Variants in TMEM40 observed in about 807,000 individuals in gnomAD.
TMEM40 encodes the protein transmembrane protein 40.
Under a neutral mutation model 40.8 loss-of-function variants are expected in TMEM40, and 34 were observed. That is an observed-to-expected ratio of 0.83 (90% CI 0.63 to 1.11). The LOEUF (loss-of-function observed/expected upper bound fraction) is 1.11, where lower values mean the gene tolerates loss of function less well. Among genes scored for constraint, TMEM40 ranks in the 50% least tolerant of loss-of-function variants. The pLI is 0.00. For missense variants in TMEM40, 296 were observed against 280.2 expected, an observed-to-expected ratio of 1.06 and a Z score of -0.40; for synonymous variants, 106 against 107.0, an observed-to-expected ratio of 0.99 and a Z score of 0.06.
chr3:12,755,241 T>A (rs373748748), intron 1 of TMEM40, among the ~76,000 whole-genome samples: 5 of 91,890 alleles, frequency 5.4e-5, no homozygotes, highest in Non-Finnish European at 8.4e-5. Flanking sequence ...CTCTCTTTCT[T>A]TCTTTCTTTC....
At chr3:12,749,917 T>A in intron 1 of TMEM40, 77 bp from the exon 2 acceptor site, 1 of 1,323,192 alleles carries the variant, frequency 7.6e-7, no homozygotes, top group Non-Finnish European at 1.1e-6. Context: ...GGCAAATAAA[T>A]AAGAAAAAGA....
intron 1 of TMEM40, among the ~76,000 whole-genome samples, chr3:12,753,801 T>C (rs1344527069): frequency 6.6e-6 from 1 of 152,220 alleles, no homozygotes; most frequent in Admixed American, 6.5e-5. Flanking sequence ...CCAGGGCCTC[T>C]GTACCCACGG....
intron 3 of TMEM40, among the ~76,000 whole-genome samples, chr3:12,748,147 A>AATTC (rs1253660008): frequency 1.3e-5 from 2 of 152,130 alleles, no homozygotes; most frequent in African/African-American, 2.4e-5. Context: ...CTGTATAACG[A>AATTC]ATTTCATCCT....
At chr3:12,768,190 C>T (rs917832068) in intron 1 of TMEM40, among the ~76,000 whole-genome samples, 2 of 152,054 alleles carry the variant, frequency 1.3e-5, no homozygotes, top group East Asian at 1.9e-4. Context: ...TGGAGTTGTT[C>T]GTTCCTCCCA....
upstream of TMEM40, among the ~76,000 whole-genome samples, chr3:12,761,044 C>T (rs1351544650): frequency 6.6e-6 from 1 of 152,242 alleles, no homozygotes; most frequent in African/African-American, 2.4e-5. Context: ...GCCCTCAATA[C>T]ATTTGTTGAA....
intron 10 of TMEM40, 99 bp from the exon 11 acceptor site, chr3:12,735,716 T>C (rs958262033): frequency 1.0e-6 from 1 of 975,082 alleles, no homozygotes; most frequent in Non-Finnish European, 1.6e-6. Context: ...AACAAAGCTC[T>C]GATGGTGGAA....
chr3:12,762,137 T>G (rs2061571640), upstream of TMEM40, among the ~76,000 whole-genome samples: 1 of 151,942 alleles, frequency 6.6e-6, no homozygotes, highest in Non-Finnish European at 1.5e-5. Context: ...TAACTTTTAC[T>G]TTTTAAAATT....
chr3:12,738,244 C>CACCTG, intron 6 of TMEM40, 76 bp from the exon 7 acceptor site: 1 of 1,527,362 alleles, frequency 6.5e-7, no homozygotes, highest in Non-Finnish European at 9.0e-7. Context: ...CTGGGGAAGG[C>CACCTG]TATAGGTGAC....
intron 1 of TMEM40, among the ~76,000 whole-genome samples, chr3:12,768,080 T>C (rs971914103): frequency 1.3e-5 from 2 of 152,120 alleles, no homozygotes; most frequent in African/African-American, 4.8e-5. Flanking sequence ...AGGCGGCGTG[T>C]TCGGAGTTTC....
At chr3:12,743,519 TTATAG>T (rs1377420185) in intron 4 of TMEM40, among the ~76,000 whole-genome samples, 1 of 152,170 alleles carries the variant, frequency 6.6e-6, no homozygotes, top group Admixed American at 6.6e-5. Context: ...TGTAAATTAT[TTATAG>T]TATAGGACAG....
At chr3:12,746,485 A>C (rs1483018403) in intron 3 of TMEM40, among the ~76,000 whole-genome samples, 9 of 152,208 alleles carry the variant, frequency 5.9e-5, no homozygotes, top group Admixed American at 5.9e-4. Flanking sequence ...CTGCATCTAA[A>C]ATTAACTGGA....
intron 3 of TMEM40, among the ~76,000 whole-genome samples, chr3:12,744,859 C>T (rs147658281): frequency 2.2e-3 from 332 of 152,246 alleles, no homozygotes; most frequent in African/African-American, 7.7e-3. Context: ...GTGATCTCAA[C>T]TGGATAAGGA....
chr3:12,765,351 C>A (rs578046004), intron 1 of TMEM40, among the ~76,000 whole-genome samples: 3 of 151,718 alleles, frequency 2.0e-5, no homozygotes, highest in African/African-American at 7.3e-5. Context: ...GAAGTAGGAG[C>A]CATGGGCTGT....
At position 12,756,717 on chromosome 3, in the gene TMEM40, G is replaced by A. The variant is rs1222477660; in HGVS notation, c.-9+2474C>T. Among the ~76,000 whole-genome samples, 5 of 152,016 alleles carry A rather than the reference G, an allele frequency of 3.3e-5. No homozygotes were observed. In the East Asian group the frequency reaches 9.7e-4, roughly 29 times the overall value. Reference sequence around the variant, plus strand: ...AGGCGGGTCCCTTCTCCCACAGCCTGGAATCTCAGTCTCTGTTTCTTTCTT... The same window carrying A: ...AGGCGGGTCCCTTCTCCCACAGCCTAGAATCTCAGTCTCTGTTTCTTTCTT... On this transcript the variant is annotated intron_variant, in intron 1 of 11. Coordinates refer to ENST00000314124, the MANE Select transcript of TMEM40 (RefSeq NM_018306.4).
chr3:12,747,691 C>A (rs924359756), intron 3 of TMEM40, among the ~76,000 whole-genome samples: 1 of 151,988 alleles, frequency 6.6e-6, no homozygotes, highest in Non-Finnish European at 1.5e-5. Flanking sequence ...GGGCAGATCA[C>A]CTGAGATCAG....
chr3:12,765,726 C>T (rs28505686), intron 1 of TMEM40, among the ~76,000 whole-genome samples: 5,947 of 152,006 alleles, frequency 0.039, 394 homozygotes, highest in African/African-American at 0.14. Context: ...CCTGCCACCA[C>T]GCCCAGCTAA....
At chr3:12,754,136 C>A (rs1032279237) in intron 1 of TMEM40, among the ~76,000 whole-genome samples, 2 of 152,160 alleles carry the variant, frequency 1.3e-5, no homozygotes, top group South Asian at 4.1e-4. Context: ...CACGGTGAAA[C>A]CCCGTCTCTA....
At chr3:12,767,269 A>C (rs1449640630) in intron 1 of TMEM40, among the ~76,000 whole-genome samples, 3 of 152,030 alleles carry the variant, frequency 2.0e-5, no homozygotes, top group Admixed American at 2.0e-4. Context: ...AGGACTATAG[A>C]GTCATCAGAT....
chr3:12,750,682 A>G (rs1189008862), intron 1 of TMEM40, among the ~76,000 whole-genome samples: 2 of 152,150 alleles, frequency 1.3e-5, no homozygotes, highest in Non-Finnish European at 2.9e-5. Flanking sequence ...TCCTGGGTTA[A>G]GGCAATCCTC....
Sources: allele counts gnomAD v4.1 joint callset (sites outside exome capture counted in the v4.1 genomes callset), GRCh38; gene constraint gnomAD v4.1.1; transcripts MANE v1.5; gene names NCBI Gene and HGNC (gene_info 2026-07-23, HGNC 2026-07-21).